Variants in VPS41 observed in about 807,000 individuals in gnomAD.
VPS41 encodes the protein VPS41 subunit of HOPS complex, also known as vacuolar protein sorting-associated protein 41 homolog.
Under a neutral mutation model 130.9 loss-of-function variants are expected in VPS41, and 85 were observed. The observed-to-expected ratio is 0.65, with a 90% CI of 0.55 to 0.78. The LOEUF is 0.78. VPS41 is among the 30% of genes least tolerant of loss of function. The pLI, the probability that VPS41 is intolerant of heterozygous loss-of-function variation, is 0.00. For synonymous variants in VPS41, 335 were observed against 332.9 expected (o/e 1.01, Z -0.07); for missense variants, 874 against 1,018.7 (o/e 0.86, Z 1.93).
intron 2 of VPS41, among the ~76,000 whole-genome samples, chr7:38,887,586 C>T (rs542004032): frequency 1.3e-5 from 2 of 152,100 alleles, no homozygotes; most frequent in Admixed American, 6.5e-5. Context: ...GATAATGGAA[C>T]CAAGTTGGAA....
chr7:38,729,028 G>A (rs987375883), intron 25 of VPS41, among the ~76,000 whole-genome samples: 3 of 152,028 alleles, frequency 2.0e-5, no homozygotes, highest in Admixed American at 6.6e-5. Context: ...AACCATACAC[G>A]GGCTCCTGTA....
At chr7:38,820,643 T>C (rs1012240551) in intron 6 of VPS41, among the ~76,000 whole-genome samples, 6 of 152,354 alleles carry the variant, frequency 3.9e-5, no homozygotes, top group Middle Eastern at 3.4e-3. Flanking sequence ...CAGCCCAATC[T>C]TCCTTCACAT....
chr7:38,782,636 C>G (rs777463651), intron 10 of VPS41, among the ~76,000 whole-genome samples: 57 of 152,156 alleles, frequency 3.7e-4, no homozygotes, highest in Non-Finnish European at 7.8e-4. Context: ...ATACATCAAC[C>G]TTACATTGCC....
At chr7:38,800,727 T>A (rs1189431206) in intron 7 of VPS41, among the ~76,000 whole-genome samples, 1 of 152,212 alleles carries the variant, frequency 6.6e-6, no homozygotes, top group South Asian at 2.1e-4. Context: ...TCCCAGCTAC[T>A]CCAGGGGGTG....
intron 3 of VPS41, among the ~76,000 whole-genome samples, chr7:38,865,222 T>G (rs1025759969): frequency 3.3e-5 from 5 of 152,318 alleles, no homozygotes; most frequent in African/African-American, 4.8e-5. Flanking sequence ...AATTAAAAGC[T>G]AAAACACTCA....
rs180785892 is a variant in VPS41, at chr7:38,758,441, T to C, written c.1463A>G (p.Tyr488Cys). ...TGCTTGAACTATGACTGAATTATTATACAGATCTCCAGGCCATTCTCGGAT... is the reference window on the plus strand; with the variant it reads ...TGCTTGAACTATGACTGAATTATTACACAGATCTCCAGGCCATTCTCGGAT... ...TLIREWPGDL[Y>C]NNSVIVQAVR... is the part of the protein sequence containing the mutation. The change falls in exon 18 of 29, where the codon TAT becomes TGT. Residue 488 changes from tyrosine to cysteine, a missense_variant. By Grantham distance (194) the Tyr-to-Cys change is radical. Coordinates refer to ENST00000310301, the MANE Select transcript of VPS41 (RefSeq NM_014396.4). The C allele has an allele frequency of 1.1e-5, 17 of 1,613,548 alleles. No individual in the cohort carries two copies. The highest frequency in any genetic ancestry group is 2.7e-5 in the African/African-American group (2 of 75,032).
At chr7:38,821,413 A>C in intron 5 of VPS41, 148 bp from the exon 6 acceptor site, 1 of 601,676 alleles carries the variant, frequency 1.7e-6, no homozygotes, top group East Asian at 2.9e-5. Flanking sequence ...AATGAAAACA[A>C]TCCCATCAGC....
Position 38,831,941 on chromosome 7 carries a change from T to G in VPS41, c.247-1613A>C, listed in dbSNP as rs191536270. ...GCAACATTATGGGGGAAAAAAATCA[T>G]ACCTCTAAGGTAAGATAATCCTTTT... is the stretch of plus-strand genomic sequence containing the variant. On this transcript the variant is annotated intron_variant, in intron 4 of 28. Transcript: ENST00000310301. Among the ~76,000 whole-genome samples the G allele has an allele frequency of 2.0e-5, 3 of 152,330 alleles. No individual in the cohort carries two copies. In the East Asian group the frequency reaches 5.8e-4, roughly 29 times the overall value.
Position 38,724,013 on chromosome 7 carries a change from C to T in VPS41, c.*2233G>A, listed in dbSNP as rs534854023. 29 of 152,180 alleles carry T rather than the reference C, an allele frequency of 1.9e-4. No homozygotes were observed. The highest frequency in any genetic ancestry group is 3.9e-4 in the Admixed American group (6 of 15,294). 9.4% of individuals were successfully genotyped at this position (152,180 alleles called of 1,614,324 possible). A position where few individuals can be genotyped will look rare whatever the true frequency, so the allele number is the denominator to read the frequency against. ...AACGAAAGCTAGTGTTTTTTATTAA[C>T]GATAAAATCTATATTGTTCAGGAAT... On this transcript the variant is annotated 3_prime_UTR_variant, in exon 29 of 29. Transcript: ENST00000310301.
intron 7 of VPS41, among the ~76,000 whole-genome samples, chr7:38,817,494 C>T (rs1457880289): frequency 3.9e-5 from 6 of 152,050 alleles, no homozygotes; most frequent in Admixed American, 2.0e-4. Context: ...AGTGGGCATC[C>T]GTAATCCCAG....
chr7:38,760,372 C>T (rs1783885628), intron 17 of VPS41, among the ~76,000 whole-genome samples: 1 of 151,894 alleles, frequency 6.6e-6, no homozygotes, highest in Admixed American at 6.5e-5. Context: ...CTTTTGTTCC[C>T]AAACAGAGAG....
intron 2 of VPS41, among the ~76,000 whole-genome samples, chr7:38,876,101 G>C (rs968753833): frequency 1.3e-5 from 2 of 152,164 alleles, no homozygotes; most frequent in Non-Finnish European, 2.9e-5. Flanking sequence ...TTGGGTGGGG[G>C]AAAGGTGCTA....
At chr7:38,825,449 CCT>C (rs1291166618) in intron 5 of VPS41, among the ~76,000 whole-genome samples, 1 of 152,060 alleles carries the variant, frequency 6.6e-6, no homozygotes, top group East Asian at 1.9e-4. Flanking sequence ...ATTTATTTCC[CCT>C]CTCTCTCCCT....
At position 38,776,841 on chromosome 7, in the gene VPS41, A is replaced by G. The variant is rs1468347; in HGVS notation, c.785-65T>C. Reference sequence around the variant, plus strand: ...GCAAACAGCAGCACACATCTGGAGGAACACAATGACTGTGAATGCTAGTGG... The same window carrying G: ...GCAAACAGCAGCACACATCTGGAGGGACACAATGACTGTGAATGCTAGTGG... On this transcript the variant is annotated intron_variant, in intron 10 of 28. Coordinates refer to ENST00000310301, the MANE Select transcript of VPS41 (RefSeq NM_014396.4). 0.58 allele frequency: 488,777 copies of G among 840,484 alleles called. 148,844 individuals carry two copies. The highest frequency in any genetic ancestry group is 0.91 in the East Asian group (36,123 of 39,864). 52.1% of individuals were successfully genotyped at this position (840,484 alleles called of 1,614,324 possible).
intron 7 of VPS41, among the ~76,000 whole-genome samples, chr7:38,811,008 C>G (rs952942127): frequency 4.6e-5 from 7 of 152,114 alleles, no homozygotes; most frequent in African/African-American, 1.7e-4. Flanking sequence ...ACCTCTATAA[C>G]TCAGTTACAA....
chr7:38,907,962 A>C (rs1787304587), intron 1 of VPS41, among the ~76,000 whole-genome samples: 1 of 152,212 alleles, frequency 6.6e-6, no homozygotes, highest in Non-Finnish European at 1.5e-5. Context: ...AGGAGTCTCT[A>C]GTGTTAGATA....
intron 3 of VPS41, among the ~76,000 whole-genome samples, chr7:38,867,577 A>C (rs182739079): frequency 2.2e-3 from 336 of 152,132 alleles, no homozygotes; most frequent in Middle Eastern, 0.01. Context: ...AAAAGAAAGA[A>C]AGAAAATCTC....
rs1335928833 is a variant in VPS41 at position 38,725,808 on chromosome 7, T to C, written c.*438A>G. On this transcript the variant is annotated 3_prime_UTR_variant, in exon 29 of 29. Transcript: ENST00000310301. ...AGCCAAACCCAGAATGCAAGAATCG[T>C]AGCCAGCAGAGCACGTGGAAACAAC... 3 of 155,938 alleles carry C rather than the reference T, an allele frequency of 1.9e-5. No homozygotes were observed. The highest frequency in any genetic ancestry group is 7.2e-5 in the African/African-American group (3 of 41,506). The allele number at this position is 155,938 out of a possible 1,614,324, so 9.7% of individuals were successfully genotyped here.
At chr7:38,755,598 C>T (rs566304235) in intron 19 of VPS41, among the ~76,000 whole-genome samples, 31 of 152,292 alleles carry the variant, frequency 2.0e-4, no homozygotes, top group African/African-American at 5.1e-4. Context: ...GACTCTGCTA[C>T]GACCTAGCTG....
Sources: gnomAD v4.1 joint callset for allele counts (sites outside exome capture counted in the v4.1 genomes callset) on GRCh38, gnomAD v4.1.1 for gene constraint, MANE v1.5 for transcripts, NCBI Gene and HGNC (gene_info 2026-07-23, HGNC 2026-07-21) for gene names.